The following TMCO1 variants were observed in gnomAD, a reference collection of about 807,000 sequenced individuals.
TMCO1 encodes transmembrane and coiled-coil domains 1, also known as calcium load-activated calcium channel.
A neutral mutation model predicts 29.3 loss-of-function variants in TMCO1; 29 were observed. The ratio of observed to expected loss-of-function variants is 0.99; its 90% CI spans 0.74 to 1.35. The LOEUF is 1.35. Among genes scored for constraint, TMCO1 ranks in the 40% most tolerant of loss-of-function variants. The probability of loss-of-function intolerance (pLI) is 0.00; values close to 1 mark genes in which losing one functional copy is unlikely to be tolerated. For synonymous variants in TMCO1, 80 were observed against 77.1 expected (o/e 1.04, Z -0.20); for missense variants, 173 against 225.5 (o/e 0.77, Z 1.49).
At chr1:165,767,760 G>C (rs1290672183) in intron 2 of TMCO1, among the ~76,000 whole-genome samples, 1 of 152,048 alleles carries the variant, frequency 6.6e-6, no homozygotes, top group Admixed American at 6.6e-5. Flanking sequence ...GCCCACTGTA[G>C]CCTCAATCTC....
At chr1:165,759,761 T>C (rs575337543) in intron 2 of TMCO1, among the ~76,000 whole-genome samples, 177 bp from the exon 3 acceptor site, 2 of 152,226 alleles carry the variant, frequency 1.3e-5, no homozygotes, top group African/African-American at 2.4e-5. Flanking sequence ...AAAAGGTAGA[T>C]ACAATATTCT....
At chr1:165,733,483 C>T (rs1281118365) in intron 6 of TMCO1, among the ~76,000 whole-genome samples, 1 of 151,968 alleles carries the variant, frequency 6.6e-6, no homozygotes, top group Non-Finnish European at 1.5e-5. Flanking sequence ...CGCCTGTAAT[C>T]CTAGCTACTT....
intron 6 of TMCO1, among the ~76,000 whole-genome samples, chr1:165,729,435 G>A (rs899808249): frequency 6.6e-6 from 1 of 151,520 alleles, no homozygotes; most frequent in Non-Finnish European, 1.5e-5. Context: ...GCCTGCCTCA[G>A]CCTCCTAAGT....
intron 5 of TMCO1, among the ~76,000 whole-genome samples, chr1:165,747,512 A>C (rs1651845299): frequency 6.6e-6 from 1 of 152,236 alleles, no homozygotes; most frequent in Non-Finnish European, 1.5e-5. Flanking sequence ...ATTATTTTAG[A>C]GGAAGCTGAC....
Position 165,759,428 on chromosome 1 carries a change from G to A in TMCO1, c.208+97C>T, listed in dbSNP as rs74121484. On this transcript the variant is annotated intron_variant, in intron 3 of 6. Transcript: ENST00000367881. ...TTATAAACCATAAAATCATAGAAATGTGAGTTATCACTATTAATAATTTTA... is the reference window on the plus strand; with the variant it reads ...TTATAAACCATAAAATCATAGAAATATGAGTTATCACTATTAATAATTTTA... 4.0e-3 allele frequency: 3,430 copies of A among 863,524 alleles called. 84 individuals carry two copies. In the African/African-American group the frequency reaches 0.048, roughly 12 times the overall value. The allele number at this position is 863,524 out of a possible 1,614,324, so 53.5% of individuals were successfully genotyped here.
rs1181658997 is a variant in TMCO1 at position 165,727,640 on chromosome 1, A to C, written c.*383T>G. On this transcript the variant is annotated 3_prime_UTR_variant, in exon 7 of 7. Transcript: ENST00000367881. The stretch of plus-strand genomic sequence containing the variant: ...CAAAACAAACAGTTACAAGGGTTAA[A>C]CAAACTAAATTTTTCTTCTAAATCT... 3 of 454,074 alleles carry C rather than the reference A, an allele frequency of 6.6e-6. No homozygotes were observed. Among genetic ancestry groups the C allele is most frequent in the Non-Finnish European group, 1.3e-5 (3 of 226,850 alleles). 28.1% of individuals were successfully genotyped at this position (454,074 alleles called of 1,614,324 possible). A position where few individuals can be genotyped will look rare whatever the true frequency, so the allele number is the denominator to read the frequency against.
At chr1:165,744,651 A>G (rs1228158907) in intron 5 of TMCO1, among the ~76,000 whole-genome samples, 3 of 152,008 alleles carry the variant, frequency 2.0e-5, no homozygotes, top group Non-Finnish European at 4.4e-5. Context: ...TTAGCCGGGC[A>G]TGGTGGCGCA....
At chr1:165,726,067 TA>T (rs1189547685), downstream of TMCO1, 1 of 694,050 alleles carries the variant, frequency 1.4e-6, no homozygotes, top group Admixed American at 2.0e-5. Context: ...ATTCTCACTT[TA>T]AAAAGGTGAT....
intron 6 of TMCO1, among the ~76,000 whole-genome samples, chr1:165,734,111 C>T (rs1651279048): frequency 6.6e-6 from 1 of 152,234 alleles, no homozygotes; most frequent in African/African-American, 2.4e-5. Flanking sequence ...CGCAATATCT[C>T]ATTAATTCCC....
intron 6 of TMCO1, among the ~76,000 whole-genome samples, chr1:165,735,215 C>A (rs1651320740): frequency 6.6e-6 from 1 of 152,164 alleles, no homozygotes; most frequent in Non-Finnish European, 1.5e-5. Flanking sequence ...CCCTAGATCT[C>A]TTTTAGCTCC....
At chr1:165,735,687 G>A (rs558713265) in intron 6 of TMCO1, among the ~76,000 whole-genome samples, 1 of 151,972 alleles carries the variant, frequency 6.6e-6, no homozygotes, top group Non-Finnish European at 1.5e-5. Flanking sequence ...GCTAATTTTT[G>A]TATTTTTAGT....
chr1:165,749,040 T>C (rs1651903026), intron 5 of TMCO1, among the ~76,000 whole-genome samples: 1 of 152,206 alleles, frequency 6.6e-6, no homozygotes, highest in South Asian at 2.1e-4. Context: ...CACTGAATAA[T>C]ATTTCATTGT....
At chr1:165,738,054 A>C (rs1320688799) in intron 6 of TMCO1, among the ~76,000 whole-genome samples, 2 of 152,222 alleles carry the variant, frequency 1.3e-5, no homozygotes, top group African/African-American at 2.4e-5. Context: ...GCACTTTGGG[A>C]GGCCACAGCA....
At chr1:165,759,370 T>A (rs1437471075) in intron 3 of TMCO1, among the ~76,000 whole-genome samples, 155 bp downstream of exon 3, 1 of 152,168 alleles carries the variant, frequency 6.6e-6, no homozygotes, top group East Asian at 1.9e-4. Context: ...ACAAAATGGG[T>A]AAGAATCAAG....
At chr1:165,767,971 C>T (rs1040860995) in intron 2 of TMCO1, among the ~76,000 whole-genome samples, 3 of 152,164 alleles carry the variant, frequency 2.0e-5, no homozygotes, top group African/African-American at 7.2e-5. Flanking sequence ...CCAGATTGAA[C>T]CTCTTCTTTA....
intron 6 of TMCO1, among the ~76,000 whole-genome samples, chr1:165,742,059 C>A (rs1339115609): frequency 6.6e-6 from 1 of 152,082 alleles, no homozygotes; most frequent in Non-Finnish European, 1.5e-5. Flanking sequence ...ACAGGGCAAC[C>A]AAAAATCTTC....
chr1:165,754,325 A>T (rs746015636), intron 3 of TMCO1, 51 bp from the exon 4 acceptor site: 1 of 1,447,254 alleles, frequency 6.9e-7, no homozygotes, highest in South Asian at 1.1e-5. Context: ...AGCACAAAGC[A>T]GCTGTTAAAT....
At chr1:165,767,781 G>C (rs1412228565) in intron 2 of TMCO1, among the ~76,000 whole-genome samples, 1 of 152,118 alleles carries the variant, frequency 6.6e-6, no homozygotes, top group Non-Finnish European at 1.5e-5. Context: ...CTGGGCTCAA[G>C]GGATCCTCAT....
At chr1:165,733,433 A>G (rs955125013) in intron 6 of TMCO1, among the ~76,000 whole-genome samples, 4 of 152,172 alleles carry the variant, frequency 2.6e-5, no homozygotes, top group African/African-American at 9.6e-5. Context: ...CAGGAGTTTG[A>G]GACCAGCCTG....
Sources: gnomAD v4.1 joint callset for allele counts (sites outside exome capture counted in the v4.1 genomes callset) on GRCh38, gnomAD v4.1.1 for gene constraint, MANE v1.5 for transcripts, NCBI Gene and HGNC (gene_info 2026-07-23, HGNC 2026-07-21) for gene names.